The following PUDP variants were observed in gnomAD, a reference collection of about 807,000 sequenced individuals.
The protein encoded by PUDP is pseudouridine-5'-phosphatase.
PUDP carries 8 observed loss-of-function variants against 9.4 expected under a neutral mutation model. That is an observed-to-expected ratio of 0.85 (90% CI 0.50 to 1.53). PUDP has a LOEUF of 1.53. PUDP is among the 40% of genes most tolerant of loss of function. PUDP has a pLI of 0.00. For missense variants in PUDP, 188 were observed against 189.7 expected (o/e 0.99, Z 0.05); for synonymous variants, 99 against 80.7 (o/e 1.23, Z -1.22).
intron 3 of PUDP, among the ~76,000 whole-genome samples, chrX:6,890,569 T>C (rs1482999958): frequency 9.0e-6 from 1 of 111,178 alleles, no homozygotes; most frequent in African/African-American, 3.3e-5. Context: ...TATATCAATA[T>C]AGTGGCACAT....
intron 1 of PUDP, among the ~76,000 whole-genome samples, chrX:7,004,813 T>A (rs1489490206): frequency 1.8e-5 from 2 of 111,971 alleles, no homozygotes; most frequent in East Asian, 5.6e-4. Context: ...GGAAGCAGCT[T>A]ATCTGGATTC....
upstream of PUDP, among the ~76,000 whole-genome samples, chrX:6,723,432 CAAAAAAAAA>C (rs549361509): frequency 8.1e-4 from 14 of 17,329 alleles, no homozygotes; most frequent in East Asian, 0.012. Context: ...GAGGCTCTGT[CAAAAAAAAA>C]AAAAAAAAAA....
intron 3 of PUDP, among the ~76,000 whole-genome samples, chrX:7,051,394 G>C (rs977968840): frequency 9.0e-6 from 1 of 110,986 alleles, no homozygotes; most frequent in African/African-American, 3.3e-5. Flanking sequence ...GGACTAGCGG[G>C]GTGAGGAAGA....
intron 2 of PUDP, among the ~76,000 whole-genome samples, chrX:7,082,879 A>T (rs1263563279): frequency 8.9e-6 from 1 of 112,809 alleles, no homozygotes; most frequent in Non-Finnish European, 1.9e-5. Flanking sequence ...AGTGGGTTGA[A>T]CGGTAGCCCC....
chrX:6,779,406 T>C (rs1425367153), intron 3 of PUDP, among the ~76,000 whole-genome samples: 1 of 110,843 alleles, frequency 9.0e-6, no homozygotes, highest in Non-Finnish European at 1.9e-5. Context: ...AGACAGAGGG[T>C]CTTTTCTAAG....
intron 3 of PUDP, among the ~76,000 whole-genome samples, chrX:6,737,642 T>C (rs957412087): frequency 9.1e-6 from 1 of 110,197 alleles, no homozygotes; most frequent in African/African-American, 3.3e-5. Context: ...ACAGAAGTGA[T>C]GGCGGGGACC....
rs764192931 is a variant in PUDP at position 7,105,783 on chromosome X, C to T, written c.117G>A (p.Lys39=). ...VFQEICNRYD[K]KYSWDVKSLV... ...GGGACTTTACATCCCAGCTGTATTT[C>T]TTGTCATAGCGATTACATATTTCTT... Residue 39 remains lysine (K), a synonymous_variant, in exon 2 of 4, where the codon AAG becomes AAA. Transcript: ENST00000381077. 1 of 1,208,679 alleles carries T rather than the reference C, an allele frequency of 8.3e-7. No individual in the cohort carries two copies. The highest frequency in any genetic ancestry group is 3.0e-5 in the East Asian group (1 of 33,818).
chrX:6,880,848 A>G (rs746308995), intron 3 of PUDP, among the ~76,000 whole-genome samples: 1 of 112,267 alleles, frequency 8.9e-6, no homozygotes, highest in Non-Finnish European at 1.9e-5. Context: ...TTATTTATTC[A>G]ATAATTTAAC....
intron 3 of PUDP, among the ~76,000 whole-genome samples, chrX:6,976,975 G>A (rs760590566): frequency 1.4e-4 from 16 of 112,251 alleles, no homozygotes; most frequent in Non-Finnish European, 2.8e-4. Context: ...GCAAAACAGG[G>A]AAGGTTCTTA....
intron 3 of PUDP, among the ~76,000 whole-genome samples, chrX:6,962,275 A>G (rs1306256213): frequency 8.9e-6 from 1 of 112,003 alleles, no homozygotes; most frequent in East Asian, 2.8e-4. Context: ...CTTTCTCATT[A>G]AGCTGCATAA....
rs749445268 is a variant in PUDP at position 6,826,867 on chromosome X, G to A, written c.*248-120401C>T. On this transcript the variant is annotated intron_variant and NMD_transcript_variant, in intron 3 of 3. Transcript: ENST00000655425. ...AACCACAGATTGACCATAAACTCCT[G>A]GAGAAACTAGGGTGAAGTCCCCTTA... Among the ~76,000 whole-genome samples the A allele has an allele frequency of 8.1e-5, 9 of 111,771 alleles. No individual in the cohort carries two copies. In the South Asian group the frequency reaches 3.4e-3, roughly 42 times the overall value.
At chrX:7,055,859 T>C (rs1257655738) in intron 3 of PUDP, among the ~76,000 whole-genome samples, 1 of 112,274 alleles carries the variant, frequency 8.9e-6, no homozygotes, top group Non-Finnish European at 1.9e-5. Flanking sequence ...ATGTTTCTTA[T>C]CTTCGAAGGC....
chrX:6,932,675 C>T (rs6530006), intron 3 of PUDP, among the ~76,000 whole-genome samples: 10 of 111,238 alleles, frequency 9.0e-5, no homozygotes, highest in Non-Finnish European at 1.5e-4. Flanking sequence ...GGCATTGCCT[C>T]ACTTGGGAAG....
At chrX:6,754,616 ATAT>A (rs201356439) in intron 3 of PUDP, among the ~76,000 whole-genome samples, 8 of 103,762 alleles carry the variant, frequency 7.7e-5, no homozygotes, top group Non-Finnish European at 1.3e-4. Flanking sequence ...AAATTGTATA[ATAT>A]TATAACATAG....
At chrX:7,108,007 C>A (rs1452476938) in intron 1 of PUDP, among the ~76,000 whole-genome samples, 2 of 112,455 alleles carry the variant, frequency 1.8e-5, no homozygotes, top group Non-Finnish European at 3.8e-5. Context: ...TCTCCTGCAT[C>A]TTTCTCACAG....
intron 3 of PUDP, among the ~76,000 whole-genome samples, chrX:6,808,305 A>C (rs1030689142): frequency 1.8e-4 from 20 of 112,396 alleles, no homozygotes; most frequent in African/African-American, 6.5e-4. Flanking sequence ...TCACATCTTA[A>C]GAATATCCAC....
intron 2 of PUDP, among the ~76,000 whole-genome samples, chrX:7,078,568 C>T (rs1262404624): frequency 8.9e-6 from 1 of 112,491 alleles, no homozygotes; most frequent in Non-Finnish European, 1.9e-5. Context: ...ACTGGGATTA[C>T]AGGCATGAGC....
intron 3 of PUDP, among the ~76,000 whole-genome samples, chrX:6,770,586 C>T (rs1316921067): frequency 9.0e-6 from 1 of 111,307 alleles, no homozygotes; most frequent in Non-Finnish European, 1.9e-5. Flanking sequence ...CACAGCTGCA[C>T]ATTCTCTAAT....
intron 3 of PUDP, among the ~76,000 whole-genome samples, chrX:7,076,147 A>AAAC (rs1357946152): frequency 1.8e-5 from 2 of 111,828 alleles, no homozygotes; most frequent in African/African-American, 3.3e-5. Flanking sequence ...AAACAAAACA[A>AAAC]AACAACAACA....
Sources: gnomAD v4.1 joint callset for allele counts (sites outside exome capture counted in the v4.1 genomes callset) on GRCh38, gnomAD v4.1.1 for gene constraint, MANE v1.5 for transcripts, NCBI Gene and HGNC (gene_info 2026-07-23, HGNC 2026-07-21) for gene names.